The following SRRM1 variants were observed in gnomAD, a reference collection of about 807,000 sequenced individuals.
SRRM1 encodes serine and arginine repetitive matrix 1.
A neutral mutation model predicts 110.2 loss-of-function variants in SRRM1; 19 were observed. The ratio of observed to expected loss-of-function variants is 0.17; its 90% CI spans 0.12 to 0.25. SRRM1 has a LOEUF of 0.25. SRRM1 is among the 10% of genes least tolerant of loss of function. SRRM1 has a pLI of 1.00. For synonymous variants in SRRM1, 443 were observed against 414.9 expected, an observed-to-expected ratio of 1.07 and a Z score of -0.82; for missense variants, 918 against 1,145.8, an observed-to-expected ratio of 0.80 and a Z score of 2.87.
chr1:24,664,463 C>G (rs1360258477), intron 12 of SRRM1, among the ~76,000 whole-genome samples: 7 of 152,180 alleles, frequency 4.6e-5, no homozygotes, highest in Admixed American at 3.9e-4. Flanking sequence ...GATCTTAGAC[C>G]TATACATTTG....
intron 9 of SRRM1, 82 bp downstream of exon 9, chr1:24,655,211 C>G (rs1663333435): frequency 4.2e-6 from 6 of 1,438,392 alleles, no homozygotes; most frequent in Non-Finnish European, 5.8e-6. Context: ...TGCTCACTCT[C>G]AAAGTATGAA....
chr1:24,645,964 A>G lies in SRRM1; in HGVS notation c.22-20A>G. 1 of 1,606,938 alleles carries G rather than the reference A, an allele frequency of 6.2e-7. No individual in the cohort carries two copies. The highest frequency in any genetic ancestry group is 8.5e-7 in the Non-Finnish European group (1 of 1,174,734). The stretch of plus-strand genomic sequence containing the variant: ...ATTTAACTTTGAACCCTTAGTTAAG[A>G]TGTGGTTCTCTTCCTGCAGGGAACA... On this transcript the variant is annotated intron_variant, in intron 1 of 16. Transcript: ENST00000323848.
intron 9 of SRRM1, among the ~76,000 whole-genome samples, chr1:24,656,136 T>G (rs1663965947): frequency 6.6e-6 from 1 of 152,156 alleles, no homozygotes; most frequent in South Asian, 2.1e-4. Flanking sequence ...GGCAAAATTT[T>G]CATTATACAT....
chr1:24,660,722 C>T lies in SRRM1; in HGVS notation c.1319C>T (p.Thr440Ile), dbSNP rs1206142018. The change falls in exon 10 of 17, where the codon ACA becomes ATA. Residue 440 changes from threonine to isoleucine, a missense_variant. Coordinates refer to ENST00000323848, the MANE Select transcript of SRRM1 (RefSeq NM_005839.4). The stretch of plus-strand genomic sequence containing the variant: ...TTCCACTCTTATTCTTTTTTAGTGA[C>T]AAAACATAAAGGTACTGAGAAAAGA... ...VSPGRTSGKV[T>I]KHKGTEKRES... The T allele has an allele frequency of 3.2e-6, 5 of 1,548,104 alleles. No individual in the cohort carries two copies. The highest frequency in any genetic ancestry group is 1.3e-5 in the South Asian group (1 of 79,282).
intron 12 of SRRM1, among the ~76,000 whole-genome samples, chr1:24,665,424 C>G (rs1318027769): frequency 6.6e-5 from 9 of 135,382 alleles, no homozygotes; most frequent in African/African-American, 1.7e-4. Flanking sequence ...AGCAAAACTC[C>G]GTCTCAAAAA....
At chr1:24,652,773 T>C (rs1441355514) in intron 7 of SRRM1, 140 bp from the exon 8 acceptor site, 3 of 1,324,908 alleles carry the variant, frequency 2.3e-6, no homozygotes, top group South Asian at 1.6e-5. Flanking sequence ...AGGACACTTT[T>C]CTGTGTACCA....
intron 9 of SRRM1, among the ~76,000 whole-genome samples, chr1:24,659,757 T>C (rs1461014050): frequency 6.6e-6 from 1 of 152,182 alleles, no homozygotes; most frequent in African/African-American, 2.4e-5. Flanking sequence ...ACTGTGTTAA[T>C]AGTGTGTCTA....
intron 9 of SRRM1, among the ~76,000 whole-genome samples, chr1:24,659,896 C>G (rs1419573813): frequency 6.6e-6 from 1 of 152,152 alleles, no homozygotes; most frequent in Non-Finnish European, 1.5e-5. Flanking sequence ...TTCTTTCTAG[C>G]TCTTTGGAAA....
intron 14 of SRRM1, 53 bp from the exon 15 acceptor site, chr1:24,670,067 T>G: frequency 6.8e-7 from 1 of 1,473,812 alleles, no homozygotes; most frequent in Non-Finnish European, 9.1e-7. Flanking sequence ...GGTTTTCTCA[T>G]GTGAAGAGAG....
chr1:24,667,783 A>G (rs891267482), intron 13 of SRRM1, among the ~76,000 whole-genome samples: 1 of 152,158 alleles, frequency 6.6e-6, no homozygotes, highest in Non-Finnish European at 1.5e-5. Context: ...GTTATCACTG[A>G]GGTTCATTTT....
rs1570959962 is a variant in SRRM1 at position 24,661,458 on chromosome 1, A to C, written c.1483+62A>C. 10 of 1,210,224 alleles carry C rather than the reference A, an allele frequency of 8.3e-6. No individual in the cohort carries two copies. In the East Asian group the frequency reaches 2.4e-4, roughly 30 times the overall value. The allele number at this position is 1,210,224 out of a possible 1,614,324, so 75.0% of individuals were successfully genotyped here. Reference sequence around the variant, plus strand: ...TTTCCTATTAAAAAATACTTGGTATATAAACATCTGTGTGTGCAGCATGAG... The same window carrying C: ...TTTCCTATTAAAAAATACTTGGTATCTAAACATCTGTGTGTGCAGCATGAG... On this transcript the variant is annotated intron_variant, in intron 11 of 16. Coordinates refer to ENST00000323848, the MANE Select transcript of SRRM1 (RefSeq NM_005839.4).
chr1:24,662,748 C>T lies in SRRM1; in HGVS notation c.1572C>T (p.Ser524=). 1 of 1,614,168 alleles carries T rather than the reference C, an allele frequency of 6.2e-7. No individual in the cohort carries two copies. The highest frequency in any genetic ancestry group is 1.3e-5 in the African/African-American group (1 of 75,056). Residue 524 remains serine (S), a synonymous_variant, in exon 12 of 17, where the codon TCC becomes TCT. Coordinates refer to ENST00000323848, the MANE Select transcript of SRRM1 (RefSeq NM_005839.4). ...AGGTTGGCAGGCGGCGGAGACATTC[C>T]CCTTCCCGGAGTGCTTCTCCATCAC... ...NGEVGRRRRH[S]PSRSASPSPR... is the part of the protein sequence containing the mutation.
chr1:24,671,566 G>A lies in SRRM1; in HGVS notation c.2581G>A (p.Glu861Lys). 6.3e-7 allele frequency: 1 copy of A among 1,598,874 alleles called. No individual in the cohort carries two copies. Among genetic ancestry groups the A allele is most frequent in the Non-Finnish European group, 8.5e-7 (1 of 1,175,650 alleles). ...TGCCACAACCACATTAGCACAGGAA[G>A]AGCCAGTGGCAGCGCCAGAGCCGAA... Reference protein sequence around the residue: ...AAATTTLAQEEPVAAPEPKKE... With the variant: ...AAATTTLAQEKPVAAPEPKKE... Residue 861 changes from glutamate to lysine, a missense_variant, in exon 16 of 17, where the codon GAG (glutamate) becomes AAG (lysine). Physicochemically the swap from Glu to Lys is moderately conservative, Grantham distance 56 (BLOSUM62 1). Transcript: ENST00000323848.
Position 24,671,381 on chromosome 1 carries a change from C to A in SRRM1, c.2401-5C>A. 10 of 1,582,412 alleles carry A rather than the reference C, an allele frequency of 6.3e-6. No individual in the cohort carries two copies. The highest frequency in any genetic ancestry group is 8.5e-6 in the Non-Finnish European group (10 of 1,169,920). ...ATGCTGGGTGTTGTTTTTTTTTCTT[C>A]CTAGAATTCAGATCAGGAAGGAGGT... On this transcript the variant is annotated splice_region_variant and splice_polypyrimidine_tract_variant and intron_variant, in intron 15 of 16. Coordinates refer to ENST00000323848, the MANE Select transcript of SRRM1 (RefSeq NM_005839.4).
chr1:24,643,485 C>CCA, intron 1 of SRRM1, 138 bp downstream of exon 1: 1 of 264,846 alleles, frequency 3.8e-6, no homozygotes, highest in East Asian at 8.4e-5. Flanking sequence ...CCGGCGCACC[C>CCA]CCCCCCCCCC....
chr1:24,654,864 T>C lies in SRRM1; in HGVS notation c.1050T>C (p.Arg350=), dbSNP rs1663105813. ...ATACTTTATTCCACAGAAGAAGACG[T>C]TCGTCAGCATCCTTGTCTGGGAGTA... The part of the protein sequence containing the change: ...RSRSPVRRRR[R]SSASLSGSSS... Residue 350 remains arginine, a synonymous_variant, in exon 9 of 17, where the codon CGT becomes CGC. Coordinates refer to ENST00000323848, the MANE Select transcript of SRRM1 (RefSeq NM_005839.4). The C allele has an allele frequency of 6.2e-7, 1 of 1,614,188 alleles. No individual in the cohort carries two copies. The highest frequency in any genetic ancestry group is 8.5e-7 in the Non-Finnish European group (1 of 1,180,024).
At position 24,671,525 on chromosome 1, in the gene SRRM1, C is replaced by T. The variant is rs1209911283; in HGVS notation, c.2540C>T (p.Pro847Leu). The T allele has an allele frequency of 3.7e-6, 6 of 1,609,758 alleles. No homozygotes were observed. In the South Asian group the frequency reaches 6.7e-5, roughly 18 times the overall value. The change falls in exon 16 of 17, where the codon CCT (proline) becomes CTT (leucine). Residue 847 changes from proline (P) to leucine (L), a missense_variant. This residue lies in a region of SRRM1 where 62 missense variants were observed against 127.6 expected (regional missense o/e 0.49). Transcript: ENST00000323848. Reference protein sequence around the residue: ...VAAAAAAAVTPAAIAAATTTL... With the variant: ...VAAAAAAAVTLAAIAAATTTL... ...GCAGCTGCTGCAGCTGCTGTGACCC[C>T]TGCAGCCATTGCAGCTGCCACAACC...
Position 24,651,442 on chromosome 1 carries a change from A to G in SRRM1, c.555A>G (p.Arg185=). Residue 185 remains arginine, a synonymous_variant, in exon 6 of 17, where the codon CGA becomes CGG. Transcript: ENST00000323848. Reference sequence around the variant, plus strand: ...CCAGATCTCCTTCCCCTAGAAGACGATCTTCCCCTGTCAGGAGAGAGAGAA... The same window carrying G: ...CCAGATCTCCTTCCCCTAGAAGACGGTCTTCCCCTGTCAGGAGAGAGAGAA... ...RKSRSPSPRR[R]SSPVRRERKR... 1 of 1,614,098 alleles carries G rather than the reference A, an allele frequency of 6.2e-7. No homozygotes were observed. Among genetic ancestry groups the G allele is most frequent in the Non-Finnish European group, 8.5e-7 (1 of 1,179,998 alleles).
rs1026169121 is a variant in SRRM1, at chr1:24,672,179, T to A, written c.2611-3T>A. 2 of 1,606,436 alleles carry A rather than the reference T, an allele frequency of 1.2e-6. No homozygotes were observed. Among genetic ancestry groups the A allele is most frequent in the South Asian group, 1.1e-5 (1 of 89,880 alleles). On this transcript the variant is annotated splice_polypyrimidine_tract_variant and splice_region_variant and intron_variant, in intron 16 of 16. Coordinates refer to ENST00000323848, the MANE Select transcript of SRRM1 (RefSeq NM_005839.4). Reference sequence around the variant, plus strand: ...TTAACCGTGTAAATTCTGTTTTTTTTAGGAGACTGAAAGTGAAGCTGAAGA... The same window carrying A: ...TTAACCGTGTAAATTCTGTTTTTTTAAGGAGACTGAAAGTGAAGCTGAAGA...
Sources: allele counts gnomAD v4.1 joint callset (sites outside exome capture counted in the v4.1 genomes callset), GRCh38; gene constraint gnomAD v4.1.1; regional missense constraint gnomAD v4.1.1; transcripts MANE v1.5; gene names NCBI Gene and HGNC (gene_info 2026-07-23, HGNC 2026-07-21).